The following BRINP2 variants were observed in gnomAD, a reference collection of about 807,000 sequenced individuals.
BRINP2 encodes the protein BMP/retinoic acid inducible neural specific 2, also known as BMP/retinoic acid-inducible neural-specific protein 2.
BRINP2 carries 21 observed loss-of-function variants against 69.2 expected under a neutral mutation model. The observed-to-expected ratio is 0.30, with a 90% CI of 0.22 to 0.44. BRINP2 has a LOEUF of 0.44. Among genes scored for constraint, BRINP2 ranks in the 20% least tolerant of loss-of-function variants. The pLI is 1.00. For synonymous variants in BRINP2, 380 were observed against 394.1 expected (o/e 0.96, Z 0.42); for missense variants, 877 against 986.0 (o/e 0.89, Z 1.48).
At chr1:177,213,317 C>A (rs553393884) in intron 1 of BRINP2, among the ~76,000 whole-genome samples, 1 of 152,060 alleles carries the variant, frequency 6.6e-6, no homozygotes, top group Non-Finnish European at 1.5e-5. Flanking sequence ...GAGAAACACG[C>A]CTGGCCTTAC....
intron 1 of BRINP2, among the ~76,000 whole-genome samples, chr1:177,178,204 T>C (rs536341521): frequency 1.8e-3 from 281 of 152,316 alleles, no homozygotes; most frequent in Non-Finnish European, 3.3e-3. Context: ...ATCTCTTCCC[T>C]TGAAGGCTAG....
intron 4 of BRINP2, among the ~76,000 whole-genome samples, chr1:177,269,652 A>G (rs968173624): frequency 6.6e-6 from 1 of 152,160 alleles, no homozygotes; most frequent in Non-Finnish European, 1.5e-5. Context: ...CATCCCTCTG[A>G]TTGCTCACAA....
At chr1:177,256,222 T>C (rs1650751570) in intron 3 of BRINP2, 113 bp downstream of exon 3, 1 of 1,429,508 alleles carries the variant, frequency 7.0e-7, no homozygotes, top group South Asian at 1.5e-5. Flanking sequence ...TTTTATTGCC[T>C]GAGAAGTCTT....
chr1:177,237,275 A>T (rs1195634131), intron 2 of BRINP2, among the ~76,000 whole-genome samples: 2 of 152,224 alleles, frequency 1.3e-5, no homozygotes, highest in Non-Finnish European at 2.9e-5. Flanking sequence ...GCAGAATACG[A>T]AAGACAGACA....
At chr1:177,218,239 G>A (rs530094806) in intron 1 of BRINP2, among the ~76,000 whole-genome samples, 9 of 152,098 alleles carry the variant, frequency 5.9e-5, no homozygotes, top group Non-Finnish European at 1.0e-4. Context: ...GTGCCTGCTT[G>A]TTGTGGAAAT....
chr1:177,203,699 G>A (rs148131516), intron 1 of BRINP2, among the ~76,000 whole-genome samples: 196 of 152,144 alleles, frequency 1.3e-3, no homozygotes, highest in African/African-American at 4.5e-3. Flanking sequence ...TTTGAGTGCC[G>A]CTTATGTGTT....
At chr1:177,214,722 T>C (rs1444549699) in intron 1 of BRINP2, among the ~76,000 whole-genome samples, 3 of 152,234 alleles carry the variant, frequency 2.0e-5, no homozygotes, top group Admixed American at 6.5e-5. Context: ...TACATGGGGC[T>C]GATTTTAGTG....
At chr1:177,182,439 G>A (rs934623602) in intron 1 of BRINP2, among the ~76,000 whole-genome samples, 2 of 152,018 alleles carry the variant, frequency 1.3e-5, no homozygotes, top group African/African-American at 4.8e-5. Context: ...GGAATTGTAG[G>A]CCCTTCAAAA....
chr1:177,203,238 A>G (rs1176641781), intron 1 of BRINP2, among the ~76,000 whole-genome samples: 1 of 152,188 alleles, frequency 6.6e-6, no homozygotes, highest in African/African-American at 2.4e-5. Flanking sequence ...CAAAAAAACC[A>G]AACACAGCAT....
intron 1 of BRINP2, among the ~76,000 whole-genome samples, chr1:177,217,452 A>G (rs1473947269): frequency 6.6e-6 from 1 of 152,156 alleles, no homozygotes; most frequent in Non-Finnish European, 1.5e-5. Flanking sequence ...TTTACTAAAC[A>G]TTTTTAAGAG....
chr1:177,275,728 C>A (rs572858155), intron 5 of BRINP2, among the ~76,000 whole-genome samples: 1 of 152,218 alleles, frequency 6.6e-6, no homozygotes, highest in Non-Finnish European at 1.5e-5. Context: ...GGTCAGAATT[C>A]AATAATGTCC....
chr1:177,281,721 C>T lies in BRINP2; in HGVS notation c.*193C>T. The T allele has an allele frequency of 5.6e-6, 2 of 357,620 alleles. No individual in the cohort carries two copies. The highest frequency in any genetic ancestry group is 4.5e-5 in the South Asian group (1 of 22,306). 22.2% of individuals were successfully genotyped at this position (357,620 alleles called of 1,614,324 possible). ...TACTGCGTGCGTGCGCGCACGCATA[C>T]ACACACACACACACACACTGGCACA... is the stretch of plus-strand genomic sequence containing the variant. On this transcript the variant is annotated 3_prime_UTR_variant, in exon 8 of 8. Coordinates refer to ENST00000361539, the MANE Select transcript of BRINP2 (RefSeq NM_021165.4).
chr1:177,234,184 C>T (rs963118271), intron 2 of BRINP2, among the ~76,000 whole-genome samples: 14 of 152,294 alleles, frequency 9.2e-5, no homozygotes, highest in Admixed American at 5.9e-4. Flanking sequence ...CTGCAATAAA[C>T]GCTTAGAGAC....
At chr1:177,202,116 C>T (rs1188441476) in intron 1 of BRINP2, among the ~76,000 whole-genome samples, 5 of 151,532 alleles carry the variant, frequency 3.3e-5, no homozygotes, top group Middle Eastern at 3.4e-3. Flanking sequence ...GTCTTGCTAG[C>T]GGTCTATCAA....
intron 1 of BRINP2, among the ~76,000 whole-genome samples, chr1:177,203,045 C>A (rs1049303173): frequency 1.3e-5 from 2 of 152,038 alleles, no homozygotes; most frequent in African/African-American, 4.8e-5. Context: ...TATTGTGGCA[C>A]TATTCACAAT....
intron 2 of BRINP2, among the ~76,000 whole-genome samples, chr1:177,232,733 C>T (rs1050626641): frequency 6.6e-6 from 1 of 151,692 alleles, no homozygotes; most frequent in East Asian, 1.9e-4. Context: ...AAACATACAT[C>T]GACAGTCATC....
At chr1:177,197,120 TA>T (rs1235866105) in intron 1 of BRINP2, among the ~76,000 whole-genome samples, 2 of 151,922 alleles carry the variant, frequency 1.3e-5, no homozygotes, top group South Asian at 2.1e-4. Flanking sequence ...AAAAGAAGTT[TA>T]AAAAAAATTG....
chr1:177,256,662 C>T (rs1650770060), intron 3 of BRINP2: 2 of 1,039,900 alleles, frequency 1.9e-6, no homozygotes, highest in Non-Finnish European at 2.3e-6. Context: ...GCTCCCTCTG[C>T]CCTGGGAAGA....
At position 177,241,266 on chromosome 1, in the gene BRINP2, C is replaced by T. The variant is rs529626246; in HGVS notation, c.269+11121C>T. Among the ~76,000 whole-genome samples the T allele has an allele frequency of 5.9e-5, 9 of 152,140 alleles. No individual in the cohort carries two copies. In the South Asian group the frequency reaches 6.2e-4, roughly 10 times the overall value. On this transcript the variant is annotated intron_variant, in intron 2 of 7. Coordinates refer to ENST00000361539, the MANE Select transcript of BRINP2 (RefSeq NM_021165.4). Reference sequence around the variant, plus strand: ...GATTACAGGCGTGAGCCATTGCGCCCGGACCACTGAAGCCAATTTTTATTC... The same window carrying T: ...GATTACAGGCGTGAGCCATTGCGCCTGGACCACTGAAGCCAATTTTTATTC...
Sources: allele counts gnomAD v4.1 joint callset (sites outside exome capture counted in the v4.1 genomes callset), GRCh38; gene constraint gnomAD v4.1.1; transcripts MANE v1.5; gene names NCBI Gene and HGNC (gene_info 2026-07-23, HGNC 2026-07-21).